The following ZNF536 variants were observed in gnomAD, a reference collection of about 807,000 sequenced individuals.
ZNF536 encodes zinc finger protein 536.
A neutral mutation model predicts 84.5 loss-of-function variants in ZNF536; 13 were observed. The ratio of observed to expected loss-of-function variants is 0.15; its 90% CI spans 0.10 to 0.24. ZNF536 has a LOEUF of 0.24. Among genes scored for constraint, ZNF536 ranks in the 10% least tolerant of loss-of-function variants. The pLI, the probability that ZNF536 is intolerant of heterozygous loss-of-function variation, is 1.00. For synonymous variants in ZNF536, 811 were observed against 742.5 expected (o/e 1.09, Z -1.50); for missense variants, 1,536 against 1,747.5 (o/e 0.88, Z 2.16).
chr19:30,348,998 A>T (rs2047842826), intron 2 of ZNF536, among the ~76,000 whole-genome samples: 1 of 152,098 alleles, frequency 6.6e-6, no homozygotes, highest in Non-Finnish European at 1.5e-5. Context: ...CCAGGCTAAG[A>T]ATGACACAAA....
intron 1 of ZNF536, among the ~76,000 whole-genome samples, chr19:30,263,378 C>T (rs934076822): frequency 6.6e-6 from 1 of 152,124 alleles, no homozygotes; most frequent in Non-Finnish European, 1.5e-5. Context: ...GTGGAGCTGG[C>T]AGCAGAACCC....
At chr19:30,333,381 C>T (rs958207458) in intron 2 of ZNF536, among the ~76,000 whole-genome samples, 1 of 152,122 alleles carries the variant, frequency 6.6e-6, no homozygotes, top group African/African-American at 2.4e-5. Context: ...TGAGAAGTGT[C>T]GCCCATGCTT....
At chr19:30,597,423 C>A (rs1236814463) in intron 1 of ZNF536, among the ~76,000 whole-genome samples, 1 of 152,312 alleles carries the variant, frequency 6.6e-6, no homozygotes, top group East Asian at 1.9e-4. Flanking sequence ...AGGGTTAGCC[C>A]GAGAAGTGAA....
At position 30,228,576 on chromosome 19, in the gene ZNF536, T is replaced by C. The variant is rs1331189560; in HGVS notation, c.-287T>C. ...CCCAGTCCGGAGTCCATTTGCATAA[T>C]TGGATTTTTTTTTTTTGCCTCCTTC... On this transcript the variant is annotated 5_prime_UTR_variant, in exon 1 of 6. Transcript: ENST00000585628. This position sits in a 1 kb window ranked among gnomAD's most constrained non-coding sequence, Gnocchi z 4.5. 6.8e-6 allele frequency: 1 copy of C among 146,988 alleles called. No individual in the cohort carries two copies. Among genetic ancestry groups the C allele is most frequent in the Admixed American group, 6.6e-5 (1 of 15,104 alleles). The allele number at this position is 146,988 out of a possible 1,614,324, so 9.1% of individuals were successfully genotyped here.
At chr19:30,672,239 G>A (rs909343531) in intron 1 of ZNF536, among the ~76,000 whole-genome samples, 9 of 152,242 alleles carry the variant, frequency 5.9e-5, no homozygotes, top group African/African-American at 2.2e-4. Context: ...TCCCCTGGAG[G>A]AGTCTGTGTG....
chr19:30,265,735 T>C (rs780706624), intron 1 of ZNF536, among the ~76,000 whole-genome samples: 4 of 152,158 alleles, frequency 2.6e-5, no homozygotes, highest in Non-Finnish European at 2.9e-5. Flanking sequence ...TATCACCTTG[T>C]CATCTCCCAC....
intron 2 of ZNF536, among the ~76,000 whole-genome samples, chr19:30,311,191 A>G (rs923077787): frequency 1.3e-5 from 2 of 151,916 alleles, no homozygotes; most frequent in Admixed American, 1.3e-4. Flanking sequence ...TGTCTTTCCT[A>G]ATGCTCTGGG....
intron 1 of ZNF536, among the ~76,000 whole-genome samples, chr19:30,427,666 T>C (rs915614296): frequency 7.2e-5 from 11 of 152,180 alleles, no homozygotes; most frequent in Non-Finnish European, 1.6e-4. Flanking sequence ...GGCCCTTTTC[T>C]GTTCCTTTTG....
chr19:30,460,531 G>A (rs1265013222), intron 2 of ZNF536, among the ~76,000 whole-genome samples: 2 of 152,148 alleles, frequency 1.3e-5, no homozygotes, highest in Non-Finnish European at 2.9e-5. Context: ...TGTTACATGG[G>A]TCAGCGAGTT....
intron 3 of ZNF536, among the ~76,000 whole-genome samples, chr19:30,356,110 T>C (rs951852378): frequency 1.2e-4 from 19 of 152,304 alleles, no homozygotes; most frequent in African/African-American, 4.6e-4. Flanking sequence ...CAGACAATGA[T>C]TTCATGTCCC....
intron 1 of ZNF536, among the ~76,000 whole-genome samples, chr19:30,682,025 A>C (rs1282643000): frequency 6.6e-6 from 1 of 152,216 alleles, no homozygotes; most frequent in African/African-American, 2.4e-5. Flanking sequence ...GGGCAGTCCC[A>C]GCTTAGCAGG....
chr19:30,437,737 G>A (rs1395672898), intron 1 of ZNF536, among the ~76,000 whole-genome samples: 3 of 152,202 alleles, frequency 2.0e-5, no homozygotes, highest in African/African-American at 7.2e-5. Context: ...ACATTGGGGG[G>A]ATGATGCTGC....
intron 1 of ZNF536, chr19:30,668,738 G>A (rs1412031651): frequency 6.6e-6 from 1 of 152,330 alleles, no homozygotes; most frequent in Non-Finnish European, 1.5e-5. Flanking sequence ...GGGGCCGCGT[G>A]GGAGGTGCCC....
chr19:30,306,021 T>C (rs1451607934), intron 2 of ZNF536, among the ~76,000 whole-genome samples: 1 of 152,270 alleles, frequency 6.6e-6, no homozygotes, highest in Non-Finnish European at 1.5e-5. Flanking sequence ...TTATGCTGAC[T>C]GCAACTGACA....
At chr19:30,481,135 T>C (rs1332069071) in intron 2 of ZNF536, among the ~76,000 whole-genome samples, 1 of 152,186 alleles carries the variant, frequency 6.6e-6, no homozygotes, top group Non-Finnish European at 1.5e-5. Flanking sequence ...CAAGTCCCAG[T>C]CACTTATGTC....
At chr19:30,651,948 A>C (rs745410291) in intron 1 of ZNF536, among the ~76,000 whole-genome samples, 8 of 152,248 alleles carry the variant, frequency 5.3e-5, no homozygotes, top group Non-Finnish European at 1.0e-4. Context: ...AGAGCTGGTT[A>C]CAAGTACTCT....
At chr19:30,447,045 G>A (rs930462124) in intron 2 of ZNF536, among the ~76,000 whole-genome samples, 2 of 152,136 alleles carry the variant, frequency 1.3e-5, no homozygotes, top group Non-Finnish European at 2.9e-5. Flanking sequence ...CAAATACCCT[G>A]TTACTAATGG....
At chr19:30,410,311 C>A (rs192880300) in intron 1 of ZNF536, among the ~76,000 whole-genome samples, 198 of 152,024 alleles carry the variant, frequency 1.3e-3, no homozygotes, top group African/African-American at 4.5e-3. Flanking sequence ...CACACATATT[C>A]ATAATTTTCT....
At chr19:30,250,771 A>C (rs986897321) in intron 1 of ZNF536, among the ~76,000 whole-genome samples, 1 of 151,592 alleles carries the variant, frequency 6.6e-6, no homozygotes. Flanking sequence ...TTCAAAAGGC[A>C]CCATAAAGGC....
Sources: allele counts gnomAD v4.1 joint callset (sites outside exome capture counted in the v4.1 genomes callset), GRCh38; gene constraint gnomAD v4.1.1; non-coding constraint Gnocchi (gnomAD v3.1); transcripts MANE v1.5; gene names NCBI Gene and HGNC (gene_info 2026-07-23, HGNC 2026-07-21).